The following GPC5 variants were observed in gnomAD, a reference collection of about 807,000 sequenced individuals.
The protein encoded by GPC5 is glypican-5.
Under a neutral mutation model 53.9 loss-of-function variants are expected in GPC5, and 47 were observed. That is an observed-to-expected ratio of 0.87 (90% confidence interval 0.69 to 1.11). The LOEUF is 1.11. Ranked by LOEUF, GPC5 falls within the 50% of genes most tolerant of loss-of-function variation. GPC5 has a pLI of 0.00. For synonymous variants in GPC5, 286 were observed against 263.3 expected (o/e 1.09, Z -0.84); for missense variants, 748 against 713.1 (o/e 1.05, Z -0.56).
chr13:91,502,693 A>G (rs1410398076), intron 2 of GPC5, among the ~76,000 whole-genome samples: 2 of 152,224 alleles, frequency 1.3e-5, no homozygotes, highest in African/African-American at 4.8e-5. Flanking sequence ...TGAACCACCC[A>G]GCACCACTCA....
intron 7 of GPC5, among the ~76,000 whole-genome samples, chr13:92,613,385 T>TTA (rs1555295311): frequency 1.5e-5 from 1 of 65,030 alleles, no homozygotes; most frequent in South Asian, 8.6e-4. Flanking sequence ...ATATATTATA[T>TTA]TATATATAAA....
At chr13:92,311,178 G>C (rs981668655) in intron 7 of GPC5, among the ~76,000 whole-genome samples, 2 of 152,048 alleles carry the variant, frequency 1.3e-5, no homozygotes, top group Non-Finnish European at 2.9e-5. Flanking sequence ...TATTAATTGA[G>C]GTAATGTTAA....
At chr13:92,330,784 A>G (rs944796352) in intron 7 of GPC5, among the ~76,000 whole-genome samples, 1 of 152,172 alleles carries the variant, frequency 6.6e-6, no homozygotes, top group Non-Finnish European at 1.5e-5. Flanking sequence ...CTCTTGCAGA[A>G]CACAGAGCAC....
At chr13:92,600,219 G>A (rs920241376) in intron 7 of GPC5, among the ~76,000 whole-genome samples, 4 of 152,120 alleles carry the variant, frequency 2.6e-5, no homozygotes, top group Admixed American at 6.5e-5. Flanking sequence ...ACCGTAGCAT[G>A]TAGTCCATTT....
At chr13:91,853,210 CTT>C (rs1229302402) in intron 5 of GPC5, among the ~76,000 whole-genome samples, 2 of 151,946 alleles carry the variant, frequency 1.3e-5, no homozygotes, top group African/African-American at 2.4e-5. Flanking sequence ...ATTCAAGAAA[CTT>C]TGATATTCAG....
chr13:91,588,263 A>G (rs916043517), intron 2 of GPC5, among the ~76,000 whole-genome samples: 1 of 152,156 alleles, frequency 6.6e-6, no homozygotes, highest in Non-Finnish European at 1.5e-5. Context: ...TTTGTACCCT[A>G]TGACCTTTAG....
chr13:92,503,784 C>A (rs1420982761), intron 7 of GPC5, among the ~76,000 whole-genome samples: 1 of 151,796 alleles, frequency 6.6e-6, no homozygotes, highest in African/African-American at 2.4e-5. Flanking sequence ...TATATTAATT[C>A]CTCAAAGCCA....
chr13:92,616,048 C>T (rs1252395896), intron 7 of GPC5, among the ~76,000 whole-genome samples: 1 of 151,984 alleles, frequency 6.6e-6, no homozygotes, highest in Non-Finnish European at 1.5e-5. Context: ...AGCGAGACTC[C>T]GTCTCAAAAA....
At chr13:92,264,905 TGTGTGTGTGTGTG>T (rs1313713311) in intron 7 of GPC5, among the ~76,000 whole-genome samples, 9 of 150,756 alleles carry the variant, frequency 6.0e-5, no homozygotes, top group Non-Finnish European at 1.2e-4. Flanking sequence ...TGTGTGTGTG[TGTGTGTGTGTGTG>T]TGTGTGTTGC....
At chr13:92,521,550 G>A (rs1182784295) in intron 7 of GPC5, among the ~76,000 whole-genome samples, 1 of 152,154 alleles carries the variant, frequency 6.6e-6, no homozygotes, top group African/African-American at 2.4e-5. Flanking sequence ...TTAATAAATG[G>A]TGCTGGGAAA....
chr13:92,124,433 A>C (rs2041678234), intron 6 of GPC5, among the ~76,000 whole-genome samples: 1 of 152,178 alleles, frequency 6.6e-6, no homozygotes, highest in African/African-American at 2.4e-5. Context: ...TACACAAGAA[A>C]GCAGAAAATG....
At chr13:92,015,714 G>T (rs1409372516) in intron 6 of GPC5, among the ~76,000 whole-genome samples, 1 of 152,046 alleles carries the variant, frequency 6.6e-6, no homozygotes, top group African/African-American at 2.4e-5. Context: ...AGATTTTCAG[G>T]TGCTTAATTT....
At chr13:91,521,728 G>A (rs1038159784) in intron 2 of GPC5, among the ~76,000 whole-genome samples, 19 of 152,132 alleles carry the variant, frequency 1.2e-4, no homozygotes, top group African/African-American at 4.6e-4. Context: ...ACACCAGTTG[G>A]GTGTCTTCTG....
In GPC5 at chr13:92,254,553, G is replaced by T. The variant is rs1035719145; in HGVS notation, c.1561+109564G>T. ...TCTGCATCTGTGGATTCAGAACCAC[G>T]AATAAAAAACCATGTGTATTAGTCC... On this transcript the variant is annotated intron_variant, in intron 7 of 7. Coordinates refer to ENST00000377067, the MANE Select transcript of GPC5 (RefSeq NM_004466.6). 2.6e-5 allele frequency among the ~76,000 whole-genome samples: 4 copies of T among 152,008 alleles called. No homozygotes were observed. In the South Asian group the frequency reaches 8.3e-4, roughly 31 times the overall value.
intron 5 of GPC5, among the ~76,000 whole-genome samples, chr13:91,828,365 AGGTAGG>A (rs2038606970): frequency 1.3e-5 from 2 of 151,908 alleles, no homozygotes; most frequent in South Asian, 4.1e-4. Context: ...GTAGGTAGGT[AGGTAGG>A]TAGGTAGGTA....
chr13:91,559,027 T>C (rs986559979), intron 2 of GPC5, among the ~76,000 whole-genome samples: 2 of 152,100 alleles, frequency 1.3e-5, no homozygotes, highest in Admixed American at 1.3e-4. Context: ...GGTTTTTGTC[T>C]TCTGATTGGA....
At chr13:92,509,391 CT>C (rs1880485303) in intron 7 of GPC5, 1 of 152,214 alleles carries the variant, frequency 6.6e-6, no homozygotes. Flanking sequence ...TTAATTCTCT[CT>C]GCTATTGTCT....
At chr13:92,281,978 C>A (rs955620122) in intron 7 of GPC5, among the ~76,000 whole-genome samples, 9 of 152,140 alleles carry the variant, frequency 5.9e-5, no homozygotes, top group African/African-American at 2.2e-4. Flanking sequence ...AATCCCAACA[C>A]AAAGAAGCTA....
chr13:92,608,139 C>T (rs1884314874), intron 7 of GPC5, among the ~76,000 whole-genome samples: 1 of 152,128 alleles, frequency 6.6e-6, no homozygotes, highest in Non-Finnish European at 1.5e-5. Flanking sequence ...GGTAAGGCTT[C>T]TTGTCAACAG....
Sources: gnomAD v4.1 joint callset for allele counts (sites outside exome capture counted in the v4.1 genomes callset) on GRCh38, gnomAD v4.1.1 for gene constraint, MANE v1.5 for transcripts, NCBI Gene and HGNC (gene_info 2026-07-23, HGNC 2026-07-21) for gene names.